STK35: variants seen among roughly 807,000 people sequenced by gnomAD.
The protein encoded by STK35 is serine/threonine kinase 35, also known as serine/threonine-protein kinase 35.
A neutral mutation model predicts 37.3 loss-of-function variants in STK35; 17 were observed. The observed-to-expected ratio is 0.46, with a 90% CI of 0.31 to 0.68. The LOEUF (loss-of-function observed/expected upper bound fraction) is 0.68. STK35 is among the 30% of genes least tolerant of loss of function. STK35 has a pLI of 0.05. For missense variants in STK35, 595 were observed against 746.7 expected, an observed-to-expected ratio of 0.80 and a Z score of 2.37; for synonymous variants, 385 against 319.1, an observed-to-expected ratio of 1.21 and a Z score of -2.20.
intron 3 of STK35, among the ~76,000 whole-genome samples, chr20:2,135,198 G>C (rs1986066024): frequency 6.6e-6 from 1 of 152,210 alleles, no homozygotes; most frequent in South Asian, 2.1e-4. Context: ...TCCTATGATT[G>C]CATCTGTGCT....
Position 2,134,752 on chromosome 20 carries a change from G to A in STK35, c.*38-9032G>A, listed in dbSNP as rs1290516319. On this transcript the variant is annotated intron_variant, in intron 3 of 3. Coordinates refer to ENST00000381482, the MANE Select transcript of STK35 (RefSeq NM_080836.4). ...CTAAAAATACAAAAATTAGCCGGGC[G>A]TCATGGCACACGCCTGTAATCCCAG... 5.9e-5 allele frequency among the ~76,000 whole-genome samples: 9 copies of A among 152,202 alleles called. No homozygotes were observed. The South Asian group carries it at 6.2e-4, about 11-fold the overall frequency.
intron 2 of STK35, among the ~76,000 whole-genome samples, chr20:2,104,145 A>G (rs1985467555): frequency 6.6e-6 from 1 of 152,152 alleles, no homozygotes. Context: ...GGAACTAATT[A>G]TCTTAGTTTC....
intron 2 of STK35, 105 bp downstream of exon 2, chr20:2,103,470 C>CCTCAGA: frequency 7.5e-6 from 8 of 1,059,868 alleles, no homozygotes; most frequent in Non-Finnish European, 9.3e-6. Flanking sequence ...CAGACCTGGT[C>CCTCAGA]CCTGTCACCC....
At chr20:2,134,376 T>C (rs1986049853) in intron 3 of STK35, among the ~76,000 whole-genome samples, 1 of 152,120 alleles carries the variant, frequency 6.6e-6, no homozygotes, top group Non-Finnish European at 1.5e-5. Flanking sequence ...AGCTGAAGTC[T>C]GCCTCCCTCC....
Position 2,144,703 on chromosome 20 carries a change from G to A in STK35, c.*957G>A, listed in dbSNP as rs1986229809. 6.5e-6 allele frequency: 1 copy of A among 152,976 alleles called. No homozygotes were observed. Among genetic ancestry groups the A allele is most frequent in the Non-Finnish European group, 1.5e-5 (1 of 68,102 alleles). The allele number at this position is 152,976 out of a possible 1,614,324, so 9.5% of individuals were successfully genotyped here. ...GCGCTTCTCACCTAACTGCCTCCTG[G>A]ATTGTCATCTTCCCAGATGTGTCCC... On this transcript the variant is annotated 3_prime_UTR_variant, in exon 4 of 4. Coordinates refer to ENST00000381482, the MANE Select transcript of STK35 (RefSeq NM_080836.4).
At chr20:2,118,997 T>TAC (rs1985769283) in intron 3 of STK35, among the ~76,000 whole-genome samples, 1 of 152,172 alleles carries the variant, frequency 6.6e-6, no homozygotes, top group African/African-American at 2.4e-5. Context: ...AAGCAGCCCA[T>TAC]TGTTAAGCGA....
Position 2,103,269 on chromosome 20 carries a change from G to C in STK35, c.796G>C (p.Glu266Gln), listed in dbSNP as rs1221045240. ...CCACCAGAACGTCGTGCAGTTTGAG[G>C]AGTGCGTCCTGCAGCGCAATGGGTT... ...RRHQNVVQFE[E>Q]CVLQRNGLAQ... is the part of the protein sequence containing the mutation. Residue 266 changes from glutamate (E) to glutamine (Q), a missense_variant, in exon 2 of 4, where the codon GAG (glutamate) becomes CAG (glutamine). By Grantham distance (29) the Glu-to-Gln change is conservative. Around this residue, in one of 3 missense-constraint regions of STK35, gnomAD observed 97 missense variants for 146.4 expected, o/e 0.66. Coordinates refer to ENST00000381482, the MANE Select transcript of STK35 (RefSeq NM_080836.4). 6.2e-7 allele frequency: 1 copy of C among 1,613,152 alleles called. No individual in the cohort carries two copies. Among genetic ancestry groups the C allele is most frequent in the Non-Finnish European group, 8.5e-7 (1 of 1,179,890 alleles).
intron 2 of STK35, among the ~76,000 whole-genome samples, chr20:2,109,613 G>T (rs1222295608): frequency 6.6e-6 from 1 of 152,198 alleles, no homozygotes; most frequent in South Asian, 2.1e-4. Flanking sequence ...CAGTGTCCAT[G>T]TTCTTGACAG....
In STK35 at chr20:2,140,879, A is replaced by G. The variant is rs74886320; in HGVS notation, c.*38-2905A>G. Among the ~76,000 whole-genome samples the G allele has an allele frequency of 8.6e-3, 1,306 of 152,290 alleles. 17 individuals are homozygous for G. Among genetic ancestry groups the G allele is most frequent in the African/African-American group, 0.03 (1,242 of 41,542 alleles). On this transcript the variant is annotated intron_variant, in intron 3 of 3. Transcript: ENST00000381482. ...ACTGTGTTCTGCTAGTTTATTATGT[A>G]AAAAGGAACCTCTGGTTTCTGAACC...
Position 2,117,424 on chromosome 20 carries a change from T to C in STK35, c.*37+9T>C, listed in dbSNP as rs1568576136. On this transcript the variant is annotated intron_variant, in intron 3 of 3. Coordinates refer to ENST00000381482, the MANE Select transcript of STK35 (RefSeq NM_080836.4). This position sits in a 1 kb window ranked among gnomAD's most constrained non-coding sequence, Gnocchi z 4.4. ...GGGTGATTTTAAACTAGGTGAGTGC[T>C]CTCTGTTGTTGTTTTTTGTTTTTTG... 6.8e-7 allele frequency: 1 copy of C among 1,474,538 alleles called. No individual in the cohort carries two copies. The highest frequency in any genetic ancestry group is 9.2e-7 in the Non-Finnish European group (1 of 1,081,246). 91.3% of individuals were successfully genotyped at this position (1,474,538 alleles called of 1,614,324 possible). A position where few individuals can be genotyped will look rare whatever the true frequency, so the allele number is the denominator to read the frequency against.
intron 2 of STK35, among the ~76,000 whole-genome samples, chr20:2,109,492 T>C (rs1985577256): frequency 6.6e-6 from 1 of 152,266 alleles, no homozygotes; most frequent in African/African-American, 2.4e-5. Context: ...TTGGTGTTTA[T>C]ATAACTTGTT....
intron 1 of STK35, 21 bp from the exon 2 acceptor site, chr20:2,102,747 A>G (rs1267449323): frequency 5.7e-6 from 8 of 1,406,448 alleles, no homozygotes; most frequent in Non-Finnish European, 7.4e-6. Flanking sequence ...CTGGCCGTTT[A>G]ACCGATTCTT....
intron 3 of STK35, among the ~76,000 whole-genome samples, chr20:2,137,447 G>T (rs1986104968): frequency 6.6e-6 from 1 of 152,182 alleles, no homozygotes; most frequent in East Asian, 1.9e-4. Context: ...TCCTGGTCAG[G>T]GCTCAGATGT....
At chr20:2,114,067 T>G (rs2122549902) in intron 2 of STK35, among the ~76,000 whole-genome samples, 1 of 152,246 alleles carries the variant, frequency 6.6e-6, no homozygotes, top group South Asian at 2.1e-4. Flanking sequence ...TCCGAGTGCC[T>G]GGCATCATCC....
chr20:2,117,000 G>A lies in STK35; in HGVS notation c.1227G>A (p.Lys409=). The A allele has an allele frequency of 6.2e-7, 1 of 1,614,188 alleles. No individual in the cohort carries two copies. The highest frequency in any genetic ancestry group is 8.5e-7 in the Non-Finnish European group (1 of 1,180,038). The change falls in exon 3 of 4, where the codon AAG becomes AAA. Residue 409 remains lysine (K), a synonymous_variant. Transcript: ENST00000381482. The part of the protein sequence containing the change: ...NQDNKNVNVN[K]YWLSSACGSD... ...ACAACAAAAATGTGAATGTGAATAA[G>A]TACTGGCTGTCCTCAGCCTGCGGTT...
Position 2,102,085 on chromosome 20 carries a change from C to CGGGAGG in STK35, c.204_205insGGGAGG (p.Ser68_Arg69insGlyArg). ...CCGCCACCTCCCGCGCTGCTCGGTCCCGGAGGCAGCCCGGGCCCGGAGCGG... is the reference window on the plus strand; with the variant it reads ...CCGCCACCTCCCGCGCTGCTCGGTCCGGGAGGCGGAGGCAGCCCGGGCCCGGAGCGG... On this transcript the variant is annotated inframe_insertion, in exon 1 of 4. Coordinates refer to ENST00000381482, the MANE Select transcript of STK35 (RefSeq NM_080836.4). 6.7e-7 allele frequency: 1 copy of CGGGAGG among 1,501,510 alleles called. No homozygotes were observed. The highest frequency in any genetic ancestry group is 8.9e-7 in the Non-Finnish European group (1 of 1,127,212). The allele number at this position is 1,501,510 out of a possible 1,614,324, so 93.0% of individuals were successfully genotyped here. A position where few individuals can be genotyped will look rare whatever the true frequency, so the allele number is the denominator to read the frequency against.
At chr20:2,111,318 C>T (rs988835559) in intron 2 of STK35, among the ~76,000 whole-genome samples, 1 of 152,172 alleles carries the variant, frequency 6.6e-6, no homozygotes, top group Non-Finnish European at 1.5e-5. Context: ...GTGCCCATAG[C>T]GTTGTCAGCA....
intron 3 of STK35, among the ~76,000 whole-genome samples, chr20:2,128,624 G>A (rs938753150): frequency 8.5e-5 from 13 of 152,104 alleles, no homozygotes; most frequent in African/African-American, 2.7e-4. Context: ...TAACCTCTCC[G>A]TGGGCTTCCC....
chr20:2,120,464 C>A (rs1985797687), intron 3 of STK35, among the ~76,000 whole-genome samples: 1 of 152,180 alleles, frequency 6.6e-6, no homozygotes, highest in Admixed American at 6.5e-5. Flanking sequence ...AGCCTATCCT[C>A]CCCTGTCTTA....
Sources: gnomAD v4.1 joint callset for allele counts (sites outside exome capture counted in the v4.1 genomes callset) on GRCh38, gnomAD v4.1.1 for gene constraint, gnomAD v4.1.1 regional missense constraint, Gnocchi (gnomAD v3.1) non-coding constraint, MANE v1.5 for transcripts, NCBI Gene and HGNC (gene_info 2026-07-23, HGNC 2026-07-21) for gene names.